SLC27A1: variants seen among roughly 807,000 people sequenced by gnomAD.
The protein encoded by SLC27A1 is long-chain fatty acid transport protein 1.
Under a neutral mutation model 62.2 loss-of-function variants are expected in SLC27A1, and 61 were observed. The observed-to-expected ratio is 0.98, with a 90% CI of 0.80 to 1.21. The LOEUF (loss-of-function observed/expected upper bound fraction) is 1.21. Ranked by LOEUF, SLC27A1 falls within the 50% of genes most tolerant of loss-of-function variation. SLC27A1 has a pLI of 0.00. For synonymous variants in SLC27A1, 435 were observed against 408.6 expected (o/e 1.06, Z -0.78); for missense variants, 903 against 932.1 (o/e 0.97, Z 0.41).
At position 17,504,699 on chromosome 19, in the gene SLC27A1, G is replaced by T; in HGVS notation, c.*87G>T. ...AGCGCTGCCCAGGGGTGGCCGCCTA[G>T]TACACACCCACCTGGCCGAGCTGTA... On this transcript the variant is annotated 3_prime_UTR_variant, in exon 12 of 12. Coordinates refer to ENST00000252595, the MANE Select transcript of SLC27A1 (RefSeq NM_198580.3). The T allele has an allele frequency of 6.4e-7, 1 of 1,550,496 alleles. No homozygotes were observed. Among genetic ancestry groups the T allele is most frequent in the South Asian group, 1.1e-5 (1 of 87,634 alleles).
At chr19:17,489,374 C>T (rs879624824) in intron 6 of SLC27A1, among the ~76,000 whole-genome samples, 7 of 152,148 alleles carry the variant, frequency 4.6e-5, no homozygotes, top group Non-Finnish European at 7.4e-5. Context: ...GGGTGGGGAG[C>T]GGGGCTTAAG....
At chr19:17,482,124 G>A (rs1379823095) in intron 1 of SLC27A1, among the ~76,000 whole-genome samples, 1 of 152,172 alleles carries the variant, frequency 6.6e-6, no homozygotes, top group East Asian at 1.9e-4. Context: ...CTGCCTCTCT[G>A]GTACTAGAAT....
upstream of SLC27A1, chr19:17,470,488 C>A: frequency 7.0e-7 from 1 of 1,436,336 alleles, no homozygotes; most frequent in South Asian, 1.4e-5. Flanking sequence ...CGGAGCGGGT[C>A]GTGGGGCGGG....
At chr19:17,469,831 C>G (rs1424466036), upstream of SLC27A1, among the ~76,000 whole-genome samples, 1 of 123,218 alleles carries the variant, frequency 8.1e-6, no homozygotes, top group Admixed American at 9.8e-5. Context: ...GGGCTAGGCC[C>G]GGAACTGGGG....
At chr19:17,469,656 C>T (rs1052023511), upstream of SLC27A1, among the ~76,000 whole-genome samples, 14 of 152,060 alleles carry the variant, frequency 9.2e-5, no homozygotes, top group African/African-American at 3.4e-4. Context: ...TTCTGGAAGA[C>T]GGCCGGCCTC....
chr19:17,489,214 C>A, intron 6 of SLC27A1, 97 bp downstream of exon 6: 1 of 1,004,816 alleles, frequency 1.0e-6, no homozygotes, highest in Non-Finnish European at 1.5e-6. Flanking sequence ...AGGCCCCGTA[C>A]CTCCCAGCAA....
chr19:17,493,045 C>T (rs1171526075), intron 6 of SLC27A1, among the ~76,000 whole-genome samples: 1 of 151,510 alleles, frequency 6.6e-6, no homozygotes. Context: ...ATCCTGTGAA[C>T]CCAGGAGGTG....
chr19:17,503,365 C>A (rs776829058), intron 11 of SLC27A1: 1 of 152,126 alleles, frequency 6.6e-6, no homozygotes, highest in Non-Finnish European at 1.5e-5. Flanking sequence ...CATACAGCCT[C>A]GATTGCTATT....
chr19:17,479,928 GC>G (rs1217390796), intron 1 of SLC27A1, among the ~76,000 whole-genome samples: 1 of 152,000 alleles, frequency 6.6e-6, no homozygotes, highest in Non-Finnish European at 1.5e-5. Flanking sequence ...ACAGGCGTGA[GC>G]CCCTGTGCCC....
At chr19:17,482,410 T>C (rs1050028345) in intron 1 of SLC27A1, among the ~76,000 whole-genome samples, 32 of 151,978 alleles carry the variant, frequency 2.1e-4, no homozygotes, top group Non-Finnish European at 2.9e-5. Flanking sequence ...CCCACCACTT[T>C]GGGAGGCCGA....
At chr19:17,497,511 A>G (rs1355590038) in intron 7 of SLC27A1, 47 bp downstream of exon 7, 26 of 1,510,948 alleles carry the variant, frequency 1.7e-5, no homozygotes, top group Non-Finnish European at 2.2e-5. Context: ...TTCAGGGAAG[A>G]CCACTGTCTC....
intron 1 of SLC27A1, among the ~76,000 whole-genome samples, chr19:17,473,753 T>C (rs757469276): frequency 7.2e-5 from 11 of 152,056 alleles, no homozygotes; most frequent in Non-Finnish European, 1.5e-4. Context: ...TCTCAGCTAC[T>C]TGGGAGTCTG....
rs186118685 is a variant in SLC27A1, at chr19:17,499,211, G to A, written c.1207-1067G>A. 85 of 191,230 alleles carry A rather than the reference G, an allele frequency of 4.4e-4. No homozygotes were observed. In the Middle Eastern group the frequency reaches 8.1e-3, roughly 18 times the overall value. 11.8% of individuals were successfully genotyped at this position (191,230 alleles called of 1,614,324 possible). A position where few individuals can be genotyped will look rare whatever the true frequency, so the allele number is the denominator to read the frequency against. ...TAGACTAGACTTCCCAGACGCTGGCGTCACCGCTAGACCAAGGAACCCTCT... is the reference window on the plus strand; with the variant it reads ...TAGACTAGACTTCCCAGACGCTGGCATCACCGCTAGACCAAGGAACCCTCT... On this transcript the variant is annotated intron_variant, in intron 7 of 11. Transcript: ENST00000252595.
Position 17,470,650 on chromosome 19 carries a change from G to A in SLC27A1, c.110G>A (p.Gly37Asp), listed in dbSNP as rs1446993643. The change falls in exon 1 of 12, where the codon GGC becomes GAC. Residue 37 changes from glycine (G) to aspartate (D), a missense_variant. Coordinates refer to ENST00000252595, the MANE Select transcript of SLC27A1 (RefSeq NM_198580.3). ...SAAAALGVYV[G>D]SGGWRFLRIV... ...GCAGCGGCGCTCGGCGTGTACGTGG[G>A]CAGCGGCGGCTGGCGCTTCCTGCGC... 3 of 1,578,712 alleles carry A rather than the reference G, an allele frequency of 1.9e-6. No homozygotes were observed. The highest frequency in any genetic ancestry group is 2.6e-6 in the Non-Finnish European group (3 of 1,169,278).
intron 1 of SLC27A1, among the ~76,000 whole-genome samples, chr19:17,478,947 C>T (rs1046223157): frequency 6.6e-6 from 1 of 151,864 alleles, no homozygotes; most frequent in African/African-American, 2.4e-5. Context: ...GATTTTTCAC[C>T]TCTCCACATG....
At chr19:17,492,840 A>G (rs574679454) in intron 6 of SLC27A1, among the ~76,000 whole-genome samples, 3 of 152,004 alleles carry the variant, frequency 2.0e-5, no homozygotes, top group South Asian at 4.2e-4. Context: ...CAGGAGGCTG[A>G]GGCAGGAGAA....
Position 17,500,592 on chromosome 19 carries a change from C to G in SLC27A1, c.1431C>G (p.Ala477=). The stretch of plus-strand genomic sequence containing the variant: ...AGAGCGCCACCAGCAAGAAGATCGC[C>G]CACAGCGTCTTCAGCAAGGGCGACA... ...VSESATSKKI[A]HSVFSKGDSA... The change falls in exon 9 of 12, where the codon GCC becomes GCG. Residue 477 remains alanine (A), a synonymous_variant. Transcript: ENST00000252595. 1 of 1,613,760 alleles carries G rather than the reference C, an allele frequency of 6.2e-7. No individual in the cohort carries two copies. Among genetic ancestry groups the G allele is most frequent in the African/African-American group, 1.3e-5 (1 of 75,068 alleles).
intron 1 of SLC27A1, among the ~76,000 whole-genome samples, chr19:17,480,812 T>C (rs183715066): frequency 6.6e-5 from 10 of 152,226 alleles, no homozygotes; most frequent in African/African-American, 2.2e-4. Context: ...GAATATCCAA[T>C]AGGTTATTTT....
At chr19:17,475,621 C>G (rs4808650) in intron 1 of SLC27A1, among the ~76,000 whole-genome samples, 50,398 of 152,090 alleles carry the variant, frequency 0.33, 8,717 homozygotes, top group African/African-American at 0.38. Context: ...CAGAAACACA[C>G]AGCCGGGGAG....
Sources: gnomAD v4.1 joint callset for allele counts (sites outside exome capture counted in the v4.1 genomes callset) on GRCh38, gnomAD v4.1.1 for gene constraint, MANE v1.5 for transcripts, NCBI Gene and HGNC (gene_info 2026-07-23, HGNC 2026-07-21) for gene names.